The following TDRP variants were observed in gnomAD, a reference collection of about 807,000 sequenced individuals.
TDRP encodes the protein testis development-related protein.
In TDRP, 12 loss-of-function variants were observed where a neutral mutation model predicts 10.5. The observed-to-expected ratio is 1.15, with a 90% CI of 0.73 to 1.86. The LOEUF is 1.86. Among genes scored for constraint, TDRP ranks in the 40% most tolerant of loss-of-function variants. The pLI is 0.00. For synonymous variants in TDRP, 139 were observed against 95.4 expected (o/e 1.46, Z -2.67); for missense variants, 353 against 229.2 (o/e 1.54, Z -3.49).
chr8:513,589 C>CA (rs1801674748), intron 1 of TDRP, among the ~76,000 whole-genome samples: 1 of 152,194 alleles, frequency 6.6e-6, no homozygotes, highest in Non-Finnish European at 1.5e-5. Context: ...CTCCCAAGAG[C>CA]AGGAACAAGA....
intron 1 of TDRP, among the ~76,000 whole-genome samples, chr8:505,044 A>G (rs1045461318): frequency 1.3e-5 from 2 of 152,214 alleles, no homozygotes; most frequent in African/African-American, 4.8e-5. Flanking sequence ...TTCATATTCA[A>G]TTTACAAAAA....
intron 1 of TDRP, among the ~76,000 whole-genome samples, chr8:511,168 C>G (rs1291015333): frequency 1.3e-5 from 2 of 152,062 alleles, no homozygotes; most frequent in African/African-American, 2.4e-5. Flanking sequence ...GATTAAAACT[C>G]CAAGCAAAGG....
chr8:499,287 T>C (rs1161756899), intron 1 of TDRP, among the ~76,000 whole-genome samples: 1 of 152,194 alleles, frequency 6.6e-6, no homozygotes, highest in Non-Finnish European at 1.5e-5. Context: ...GCTGGTGGCC[T>C]GGCCTACTTC....
intron 1 of TDRP, among the ~76,000 whole-genome samples, chr8:530,938 T>G (rs1802174950): frequency 6.6e-6 from 1 of 152,212 alleles, no homozygotes; most frequent in African/African-American, 2.4e-5. Flanking sequence ...GAGTCTCTGA[T>G]GCTGCAAAAA....
intron 1 of TDRP, among the ~76,000 whole-genome samples, chr8:511,799 T>C (rs371191834): frequency 1.1e-4 from 16 of 152,284 alleles, no homozygotes; most frequent in African/African-American, 3.8e-4. Flanking sequence ...CTCTCAAATA[T>C]GTGGAAATTT....
At chr8:494,695 G>T in intron 1 of TDRP, 98 bp from the exon 2 acceptor site, 2 of 1,053,704 alleles carry the variant, frequency 1.9e-6, no homozygotes, top group Non-Finnish European at 1.4e-6. Flanking sequence ...TTAGAAAAAA[G>T]AATTGGCAGA....
chr8:544,317 C>G (rs1243081592), intron 1 of TDRP, among the ~76,000 whole-genome samples: 3 of 151,992 alleles, frequency 2.0e-5, no homozygotes, highest in Non-Finnish European at 4.4e-5. Flanking sequence ...TGCGTCCCCG[C>G]TCTCCTGGGA....
At chr8:510,496 A>C (rs937878064) in intron 1 of TDRP, among the ~76,000 whole-genome samples, 9 of 152,228 alleles carry the variant, frequency 5.9e-5, no homozygotes, top group Non-Finnish European at 7.3e-5. Context: ...AAAAATGACC[A>C]ATAGCTTATA....
In TDRP at chr8:492,651, T is replaced by C. The variant is rs772756920; in HGVS notation, c.306A>G (p.Lys102=). 2.5e-6 allele frequency: 4 copies of C among 1,613,994 alleles called. No homozygotes were observed. Among genetic ancestry groups the C allele is most frequent in the East Asian group, 2.2e-5 (1 of 44,888 alleles). Residue 102 remains lysine, a synonymous_variant, in exon 3 of 3, where the codon AAA becomes AAG. Transcript: ENST00000324079. ...LVLKQNIQSK[K]PDEIEGWEPP... is the part of the protein sequence containing the mutation. ...GCTCCCAACCTTCAATTTCATCTGG[T>C]TTTTTAGACTGTATATTCTGTTTTA...
chr8:544,794 C>G lies in TDRP; in HGVS notation c.-37G>C. 1 of 1,217,272 alleles carries G rather than the reference C, an allele frequency of 8.2e-7. No homozygotes were observed. Among genetic ancestry groups the G allele is most frequent in the Non-Finnish European group, 1.0e-6 (1 of 974,448 alleles). 75.4% of individuals were successfully genotyped at this position (1,217,272 alleles called of 1,614,324 possible). On this transcript the variant is annotated 5_prime_UTR_variant, in exon 1 of 3. Transcript: ENST00000324079. ...CTCCGGCGTCCCTCCGTCCGTGCGT[C>G]GGGCTGTGGCTCCGCGTCCCTCCCG...
Position 541,747 on chromosome 8 carries a change from A to T in TDRP, c.108+2903T>A, listed in dbSNP as rs139388855. On this transcript the variant is annotated intron_variant, in intron 1 of 2. Coordinates refer to ENST00000324079, the MANE Select transcript of TDRP (RefSeq NM_001384899.1). ...TAGGATGGACAAAGTCTACATACTG[A>T]CAGCACCAAATGCTGGCAAGGAGGT... Among the ~76,000 whole-genome samples the T allele has an allele frequency of 2.6e-5, 4 of 152,362 alleles. No homozygotes were observed. In the East Asian group the frequency reaches 7.7e-4, roughly 29 times the overall value.
chr8:523,065 T>C (rs1057499879), intron 1 of TDRP, among the ~76,000 whole-genome samples: 3 of 152,174 alleles, frequency 2.0e-5, no homozygotes, highest in Admixed American at 6.5e-5. Context: ...TTGTTAATTA[T>C]GTTCTTTAAG....
At chr8:510,085 G>C (rs1801573005) in intron 1 of TDRP, among the ~76,000 whole-genome samples, 1 of 152,288 alleles carries the variant, frequency 6.6e-6, no homozygotes, top group Admixed American at 6.5e-5. Context: ...ATCAGGGTGT[G>C]TCATTCACCC....
chr8:525,143 G>C (rs904990183), intron 1 of TDRP, among the ~76,000 whole-genome samples: 5 of 152,150 alleles, frequency 3.3e-5, no homozygotes, highest in Non-Finnish European at 7.3e-5. Context: ...AACCTTACAG[G>C]TCAAGAGAGA....
At chr8:526,094 G>T (rs1014795150) in intron 1 of TDRP, among the ~76,000 whole-genome samples, 1 of 152,088 alleles carries the variant, frequency 6.6e-6, no homozygotes, top group Non-Finnish European at 1.5e-5. Context: ...TGCCTTTATT[G>T]TGCCTTTAGT....
intron 1 of TDRP, among the ~76,000 whole-genome samples, chr8:507,425 T>C (rs927408253): frequency 4.6e-5 from 7 of 152,200 alleles, no homozygotes; most frequent in African/African-American, 1.7e-4. Flanking sequence ...AAACTGTTCC[T>C]TCACAGAAGC....
chr8:494,414 C>G, intron 2 of TDRP, 80 bp downstream of exon 2: 1 of 1,390,408 alleles, frequency 7.2e-7, no homozygotes, highest in Non-Finnish European at 1.0e-6. Context: ...GCATTTATGC[C>G]ATCAAATCTT....
At position 492,554 on chromosome 8, in the gene TDRP, C is replaced by G. The variant is rs555428955; in HGVS notation, c.403G>C (p.Gly135Arg). The G allele has an allele frequency of 3.8e-5, 61 of 1,612,698 alleles. No homozygotes were observed. The highest frequency in any genetic ancestry group is 4.7e-5 in the Non-Finnish European group (55 of 1,179,268). ...GAGCCCTTGGCGTCATCCTCCCAGC[C>G]TGACCAGGATGGGTGGCCACCCACG... Reference protein sequence around the residue: ...DTVGGHPSWSGWEDDAKGSTK... With the variant: ...DTVGGHPSWSRWEDDAKGSTK... Residue 135 changes from glycine (G) to arginine (R), a missense_variant, in exon 3 of 3, where the codon GGC becomes CGC. Coordinates refer to ENST00000324079, the MANE Select transcript of TDRP (RefSeq NM_001384899.1).
intron 1 of TDRP, among the ~76,000 whole-genome samples, chr8:509,962 G>A (rs191302505): frequency 3.3e-4 from 51 of 152,300 alleles, no homozygotes; most frequent in African/African-American, 7.2e-4. Context: ...GGAGGTTGCA[G>A]TGAGCCAAGA....
Sources: gnomAD v4.1 joint callset for allele counts (sites outside exome capture counted in the v4.1 genomes callset) on GRCh38, gnomAD v4.1.1 for gene constraint, MANE v1.5 for transcripts, NCBI Gene and HGNC (gene_info 2026-07-23, HGNC 2026-07-21) for gene names.